The following AK5 variants were observed in gnomAD, a reference collection of about 807,000 sequenced individuals.
AK5 encodes adenylate kinase 5, also known as adenylate kinase isoenzyme 5.
AK5 carries 27 observed loss-of-function variants against 69.5 expected under a neutral mutation model. The observed-to-expected ratio is 0.39, with a 90% confidence interval of 0.29 to 0.54. AK5 has a LOEUF of 0.54. Ranked by LOEUF, AK5 falls within the 20% of genes least tolerant of loss-of-function variation. The probability of loss-of-function intolerance (pLI) is 0.71; values close to 1 mark genes in which losing one functional copy is unlikely to be tolerated. For missense variants in AK5, 531 were observed against 700.4 expected (o/e 0.76, Z 2.73); for synonymous variants, 260 against 244.4 (o/e 1.06, Z -0.60).
chr1:77,413,941 A>G (rs1266923743), intron 7 of AK5, among the ~76,000 whole-genome samples: 1 of 152,180 alleles, frequency 6.6e-6, no homozygotes, highest in Non-Finnish European at 1.5e-5. Context: ...TACCGTCAGA[A>G]TATTTTTCCA....
At chr1:77,345,964 CACAT>C (rs1661894815) in intron 6 of AK5, 1 of 152,064 alleles carries the variant, frequency 6.6e-6, no homozygotes, top group South Asian at 2.1e-4. Flanking sequence ...AGCTGATTAA[CACAT>C]ATTTTGTATG....
chr1:77,413,109 A>G (rs914386410), intron 7 of AK5, among the ~76,000 whole-genome samples: 17 of 152,196 alleles, frequency 1.1e-4, no homozygotes, highest in African/African-American at 3.9e-4. Flanking sequence ...TTAGCACAGA[A>G]GAAAGCCCCA....
intron 6 of AK5, among the ~76,000 whole-genome samples, chr1:77,348,412 C>T (rs999959456): frequency 5.3e-5 from 8 of 152,092 alleles, no homozygotes; most frequent in African/African-American, 1.9e-4. Context: ...AGGACATGAA[C>T]TCATCATTTT....
intron 2 of AK5, among the ~76,000 whole-genome samples, chr1:77,291,542 AC>A (rs1309821015): frequency 1.3e-5 from 2 of 152,042 alleles, no homozygotes; most frequent in African/African-American, 4.8e-5. Flanking sequence ...TTAAAGCTAA[AC>A]CCTTTACCAT....
intron 6 of AK5, among the ~76,000 whole-genome samples, chr1:77,366,810 GT>G (rs1646957381): frequency 6.6e-6 from 1 of 151,956 alleles, no homozygotes; most frequent in Non-Finnish European, 1.5e-5. Context: ...ATGACAAGAG[GT>G]TGTCACCGGG....
intron 8 of AK5, among the ~76,000 whole-genome samples, chr1:77,452,981 T>C (rs1204109215): frequency 6.6e-6 from 1 of 152,218 alleles, no homozygotes; most frequent in Non-Finnish European, 1.5e-5. Context: ...ATAGATTGTA[T>C]AAAATATTTC....
At chr1:77,360,198 G>A (rs1398865710) in intron 6 of AK5, among the ~76,000 whole-genome samples, 2 of 152,160 alleles carry the variant, frequency 1.3e-5, no homozygotes, top group African/African-American at 4.8e-5. Flanking sequence ...CAAAACATCT[G>A]AGCCAAAGCA....
Position 77,507,883 on chromosome 1 carries a change from A to T in AK5, c.1148-10681A>T, listed in dbSNP as rs140876140. Among the ~76,000 whole-genome samples, 76 of 152,300 alleles carry T rather than the reference A, an allele frequency of 5.0e-4. No individual in the cohort carries two copies. In the East Asian group the frequency reaches 0.014, roughly 29 times the overall value. On this transcript the variant is annotated intron_variant, in intron 10 of 13. Transcript: ENST00000354567. The stretch of plus-strand genomic sequence containing the variant: ...CTTTTTTATTATGAAAATATTTCAA[A>T]CATACAGCAAGCTGAAAGAATATTA...
intron 3 of AK5, among the ~76,000 whole-genome samples, chr1:77,297,033 A>G (rs1659046921): frequency 6.6e-6 from 1 of 152,184 alleles, no homozygotes; most frequent in South Asian, 2.1e-4. Context: ...TCTAGAATTC[A>G]AAGGATATAA....
intron 13 of AK5, among the ~76,000 whole-genome samples, chr1:77,541,031 T>G (rs1220246205): frequency 1.3e-5 from 2 of 152,074 alleles, no homozygotes; most frequent in Admixed American, 6.6e-5. Context: ...CTCAGCCTCA[T>G]GAGTAGCTGG....
chr1:77,417,705 A>T lies in AK5; in HGVS notation c.1049A>T (p.Tyr350Phe). 1.3e-6 allele frequency: 2 copies of T among 1,594,358 alleles called. No individual in the cohort carries two copies. The highest frequency in any genetic ancestry group is 1.3e-5 in the African/African-American group (1 of 74,670). Reference protein sequence around the residue: ...TGEIIDTGSDYEDQGDDQLNV... With the variant: ...TGEIIDTGSDFEDQGDDQLNV... ...GAGATCATTGATACAGGATCTGATT[A>T]TGAAGATCAGGTAATTAAAATCTGA... Residue 350 changes from tyrosine to phenylalanine, a missense_variant, in exon 8 of 14, where the codon TAT (tyrosine) becomes TTT (phenylalanine). Transcript: ENST00000354567.
At chr1:77,545,752 G>A (rs552934862) in intron 13 of AK5, among the ~76,000 whole-genome samples, 1 of 152,124 alleles carries the variant, frequency 6.6e-6, no homozygotes, top group Non-Finnish European at 1.5e-5. Context: ...TTCACTGGGG[G>A]TGCCTATCAG....
At chr1:77,349,080 C>G (rs572222329) in intron 6 of AK5, among the ~76,000 whole-genome samples, 5 of 152,082 alleles carry the variant, frequency 3.3e-5, no homozygotes, top group Non-Finnish European at 5.9e-5. Context: ...AAAGAATAAG[C>G]ATTTAAGGCT....
chr1:77,354,355 A>C (rs1487019220), intron 6 of AK5, among the ~76,000 whole-genome samples: 1 of 152,148 alleles, frequency 6.6e-6, no homozygotes, highest in Non-Finnish European at 1.5e-5. Context: ...AGATGTATGA[A>C]AATGTTGATT....
At chr1:77,480,451 A>G (rs1655187899) in intron 8 of AK5, among the ~76,000 whole-genome samples, 1 of 152,228 alleles carries the variant, frequency 6.6e-6, no homozygotes. Context: ...GAAGCCTGGC[A>G]GAGGTCAGAT....
At chr1:77,350,149 A>T (rs1327178484) in intron 6 of AK5, among the ~76,000 whole-genome samples, 1 of 152,220 alleles carries the variant, frequency 6.6e-6, no homozygotes, top group African/African-American at 2.4e-5. Flanking sequence ...CACAGAGATG[A>T]TAGAAAGATA....
At chr1:77,438,000 G>C (rs188083649) in intron 8 of AK5, among the ~76,000 whole-genome samples, 5 of 152,116 alleles carry the variant, frequency 3.3e-5, no homozygotes, top group Admixed American at 1.3e-4. Flanking sequence ...CTAAGCAATT[G>C]CTAGTCAATC....
At chr1:77,310,147 G>T (rs2100289338) in intron 5 of AK5, among the ~76,000 whole-genome samples, 1 of 152,180 alleles carries the variant, frequency 6.6e-6, no homozygotes, top group South Asian at 2.1e-4. Context: ...TGCATGTTTT[G>T]AATGGAAATG....
At chr1:77,443,042 T>G (rs917914159) in intron 8 of AK5, among the ~76,000 whole-genome samples, 3 of 152,170 alleles carry the variant, frequency 2.0e-5, no homozygotes, top group Admixed American at 2.0e-4. Context: ...TCTGACAACT[T>G]TCACACCTAC....
Sources: gnomAD v4.1 joint callset for allele counts (sites outside exome capture counted in the v4.1 genomes callset) on GRCh38, gnomAD v4.1.1 for gene constraint, MANE v1.5 for transcripts, NCBI Gene and HGNC (gene_info 2026-07-23, HGNC 2026-07-21) for gene names.